Variants in DMXL2 observed in about 807,000 individuals in gnomAD.
DMXL2 encodes the protein Dmx like 2, also known as dmX-like protein 2.
A neutral mutation model predicts 331.1 loss-of-function variants in DMXL2; 103 were observed. That is an observed-to-expected ratio of 0.31 (90% CI 0.27 to 0.37). DMXL2 has a LOEUF of 0.37. Ranked by LOEUF, DMXL2 falls within the 10% of genes least tolerant of loss-of-function variation. The pLI, the probability that DMXL2 is intolerant of heterozygous loss-of-function variation, is 1.00. For missense variants in DMXL2, 3,171 were observed against 3,642.9 expected (o/e 0.87, Z 3.33); for synonymous variants, 1,281 against 1,252.1 (o/e 1.02, Z -0.49).
At chr15:51,554,815 T>G (rs922958087) in intron 6 of DMXL2, among the ~76,000 whole-genome samples, 3 of 152,176 alleles carry the variant, frequency 2.0e-5, no homozygotes, top group Non-Finnish European at 4.4e-5. Context: ...GAAAAGCTTT[T>G]GACGGTTTTG....
At chr15:51,469,393 T>C (rs868254209) in intron 29 of DMXL2, among the ~76,000 whole-genome samples, 10 of 152,196 alleles carry the variant, frequency 6.6e-5, no homozygotes, top group African/African-American at 2.4e-4. Context: ...GGAAGTTTTC[T>C]ACACTGAAGT....
intron 13 of DMXL2, among the ~76,000 whole-genome samples, chr15:51,520,852 G>A (rs552418790): frequency 6.6e-6 from 1 of 152,188 alleles, no homozygotes; most frequent in Non-Finnish European, 1.5e-5. Context: ...GCAAGATTCA[G>A]ACTCAAAATA....
chr15:51,489,117 T>C (rs1238741515), intron 20 of DMXL2, among the ~76,000 whole-genome samples: 1 of 152,240 alleles, frequency 6.6e-6, no homozygotes, highest in East Asian at 1.9e-4. Context: ...TGTGAGCTTT[T>C]TCTTGAAAAT....
intron 14 of DMXL2, 84 bp downstream of exon 14, chr15:51,516,994 T>C (rs2047071985): frequency 9.6e-7 from 1 of 1,040,806 alleles, no homozygotes; most frequent in African/African-American, 1.6e-5. Context: ...AGAAAATTAT[T>C]CTGAGAATGA....
chr15:51,566,305 T>C lies in DMXL2; in HGVS notation c.286-1139A>G, dbSNP rs971599411. 3.3e-5 allele frequency among the ~76,000 whole-genome samples: 5 copies of C among 151,610 alleles called. No homozygotes were observed. In the South Asian group the frequency reaches 6.2e-4, roughly 19 times the overall value. ...CATCTGCAAACCCTGCACTTCATTA[T>C]CCAAAAATTATTTGATATTTTATAA... is the stretch of plus-strand genomic sequence containing the variant. On this transcript the variant is annotated intron_variant, in intron 3 of 43. Transcript: ENST00000560891.
At chr15:51,574,364 C>A (rs138858351) in intron 2 of DMXL2, among the ~76,000 whole-genome samples, 12 of 152,294 alleles carry the variant, frequency 7.9e-5, no homozygotes, top group African/African-American at 2.4e-4. Context: ...GACCAAAAAC[C>A]GTCCTTTCTG....
In DMXL2 at chr15:51,478,280, T is replaced by C. The variant is rs765599758; in HGVS notation, c.6824A>G (p.His2275Arg). The change falls in exon 26 of 44, where the codon CAT becomes CGT. Residue 2275 changes from histidine (H) to arginine (R), a missense_variant. Physicochemically the swap from His to Arg is conservative, Grantham distance 29. This residue lies in a region of DMXL2 where 18 missense variants were observed against 40.9 expected (regional missense o/e 0.44). Coordinates refer to ENST00000560891, the MANE Select transcript of DMXL2 (RefSeq NM_001378457.1). Reference protein sequence around the residue: ...ASIYQALCDSHSYSSQTEGNQ... With the variant: ...ASIYQALCDSRSYSSQTEGNQ... ...GGTGATTTTTTTTTACCTGTAGCTA[T>C]GACTGTCACATAATGCTTGGTAAAT... 1.9e-6 allele frequency: 3 copies of C among 1,612,760 alleles called. No individual in the cohort carries two copies. In the African/African-American group the frequency reaches 4.0e-5, roughly 22 times the overall value.
intron 1 of DMXL2, among the ~76,000 whole-genome samples, chr15:51,615,063 C>T (rs764281375): frequency 1.3e-5 from 2 of 151,834 alleles, no homozygotes; most frequent in Admixed American, 6.6e-5. Flanking sequence ...ACATTAGATA[C>T]GGGACATAAA....
At chr15:51,492,986 GAAT>G (rs2042916844) in intron 19 of DMXL2, among the ~76,000 whole-genome samples, 1 of 151,938 alleles carries the variant, frequency 6.6e-6, no homozygotes, top group African/African-American at 2.4e-5. Flanking sequence ...TGATTATTTT[GAAT>G]AACAATCTTA....
At chr15:51,611,749 G>C (rs527855281) in intron 1 of DMXL2, among the ~76,000 whole-genome samples, 1 of 152,260 alleles carries the variant, frequency 6.6e-6, no homozygotes, top group Admixed American at 6.5e-5. Context: ...GGGTCGAATG[G>C]GGACTTGGAG....
intron 29 of DMXL2, among the ~76,000 whole-genome samples, chr15:51,470,745 C>A (rs998616355): frequency 6.6e-6 from 1 of 152,136 alleles, no homozygotes. Flanking sequence ...TGGGGCTATA[C>A]CAGATCTAGT....
intron 1 of DMXL2, among the ~76,000 whole-genome samples, chr15:51,592,228 T>G (rs572118047): frequency 6.6e-6 from 1 of 151,082 alleles, no homozygotes; most frequent in Non-Finnish European, 1.5e-5. Context: ...TTAAAGGACC[T>G]GATGGAGCTA....
rs143208090 is a variant in DMXL2 at position 51,562,007 on chromosome 15, G to A, written c.567+1374C>T. Among the ~76,000 whole-genome samples, 20 of 152,224 alleles carry A rather than the reference G, an allele frequency of 1.3e-4. No homozygotes were observed. The East Asian group carries it at 3.3e-3, about 25-fold the overall frequency. ...GGAGATGAAGAGAAATTGGTTAATT[G>A]GTACAAATACACAGTTAGATAGATG... is the stretch of plus-strand genomic sequence containing the variant. On this transcript the variant is annotated intron_variant, in intron 6 of 43. Transcript: ENST00000560891.
chr15:51,499,888 T>C lies in DMXL2; in HGVS notation c.3336A>G (p.Thr1112=), dbSNP rs1567034039. 1 of 1,614,180 alleles carries C rather than the reference T, an allele frequency of 6.2e-7. No individual in the cohort carries two copies. Among genetic ancestry groups the C allele is most frequent in the Admixed American group, 1.7e-5 (1 of 60,032 alleles). The stretch of plus-strand genomic sequence containing the variant: ...GTTCTAAAACCCACTCTGATCCTCC[T>C]GTAGATTCACATTCAAATATACAAA... ...MHVCIFECES[T]GGSEWVLEQT... Residue 1112 remains threonine, a synonymous_variant, in exon 18 of 44, where the codon ACA becomes ACG. Transcript: ENST00000560891.
chr15:51,499,110 C>T lies in DMXL2; in HGVS notation c.4114G>A (p.Val1372Ile), dbSNP rs1180054215. 2.5e-6 allele frequency: 4 copies of T among 1,614,086 alleles called. No homozygotes were observed. Among genetic ancestry groups the T allele is most frequent in the Non-Finnish European group, 3.4e-6 (4 of 1,180,028 alleles). Reference protein sequence around the residue: ...RRAKAILSHLVKCIAGEVAIV... With the variant: ...RRAKAILSHLIKCIAGEVAIV... ...GCTACTTCACCTGCAATACATTTTACTAAATGAGAGAGAATGGCTTTAGCC... is the reference window on the plus strand; with the variant it reads ...GCTACTTCACCTGCAATACATTTTATTAAATGAGAGAGAATGGCTTTAGCC... Residue 1372 changes from valine (V) to isoleucine (I), a missense_variant, in exon 18 of 44, where the codon GTA (valine) becomes ATA (isoleucine). Physicochemically the swap from Val to Ile is conservative, Grantham distance 29. Transcript: ENST00000560891.
intron 23 of DMXL2, among the ~76,000 whole-genome samples, chr15:51,485,627 T>C (rs1466595306): frequency 6.6e-6 from 1 of 152,226 alleles, no homozygotes; most frequent in Non-Finnish European, 1.5e-5. Flanking sequence ...AACTATTCTA[T>C]TGACAAAAAC....
intron 6 of DMXL2, among the ~76,000 whole-genome samples, chr15:51,550,474 T>C (rs1419711216): frequency 6.6e-6 from 1 of 152,142 alleles, no homozygotes; most frequent in East Asian, 1.9e-4. Context: ...AACATATCCA[T>C]CACCTCAAAT....
Position 51,457,314 on chromosome 15 carries a change from A to G in DMXL2, c.8337+14T>C. 4.4e-6 allele frequency: 7 copies of G among 1,608,466 alleles called. No individual in the cohort carries two copies. The highest frequency in any genetic ancestry group is 5.9e-6 in the Non-Finnish European group (7 of 1,177,990). Reference sequence around the variant, plus strand: ...TCCAAATCCAGAAATGATACCTATAAGTAAATAACATACCACACTAGCTCC... The same window carrying G: ...TCCAAATCCAGAAATGATACCTATAGGTAAATAACATACCACACTAGCTCC... On this transcript the variant is annotated intron_variant, in intron 37 of 43. Coordinates refer to ENST00000560891, the MANE Select transcript of DMXL2 (RefSeq NM_001378457.1).
At chr15:51,517,931 T>G (rs1277958278) in intron 13 of DMXL2, among the ~76,000 whole-genome samples, 1 of 152,194 alleles carries the variant, frequency 6.6e-6, no homozygotes, top group Admixed American at 6.5e-5. Flanking sequence ...ATTCTAGGGT[T>G]ATTAGATCAA....
Sources: allele counts gnomAD v4.1 joint callset (sites outside exome capture counted in the v4.1 genomes callset), GRCh38; gene constraint gnomAD v4.1.1; regional missense constraint gnomAD v4.1.1; transcripts MANE v1.5; gene names NCBI Gene and HGNC (gene_info 2026-07-23, HGNC 2026-07-21).